NTM: variants seen among roughly 807,000 people sequenced by gnomAD.
The protein encoded by NTM is IgLON family member 2.
A neutral mutation model predicts 42.1 loss-of-function variants in NTM; 13 were observed. The observed-to-expected ratio is 0.31, with a 90% CI of 0.20 to 0.49. The LOEUF (loss-of-function observed/expected upper bound fraction) is 0.49. Ranked by LOEUF, NTM falls within the 20% of genes least tolerant of loss-of-function variation. The probability of loss-of-function intolerance (pLI) is 0.99; values close to 1 mark genes in which losing one functional copy is unlikely to be tolerated. For synonymous variants in NTM, 187 were observed against 179.2 expected (o/e 1.04, Z -0.35); for missense variants, 373 against 452.8 (o/e 0.82, Z 1.60).
chr11:131,918,597 T>G (rs1416807480), intron 2 of NTM, among the ~76,000 whole-genome samples: 1 of 152,128 alleles, frequency 6.6e-6, no homozygotes, highest in Non-Finnish European at 1.5e-5. Context: ...GGACTCAAGA[T>G]GGGTGGTGTC....
At chr11:132,326,356 G>A (rs566506752) in intron 7 of NTM, among the ~76,000 whole-genome samples, 93 of 152,184 alleles carry the variant, frequency 6.1e-4, no homozygotes, top group African/African-American at 2.1e-3. Context: ...TAACAAGAGA[G>A]TATTTAACAG....
At chr11:131,477,207 A>G (rs1953040479) in intron 1 of NTM, among the ~76,000 whole-genome samples, 1 of 152,168 alleles carries the variant, frequency 6.6e-6, no homozygotes. Context: ...ACAAGCAGCA[A>G]TTATAAGAAT....
intron 1 of NTM, among the ~76,000 whole-genome samples, chr11:131,714,451 A>C (rs959621102): frequency 1.4e-4 from 21 of 152,076 alleles, no homozygotes; most frequent in Non-Finnish European, 2.9e-4. Context: ...TTGGCCTCCC[A>C]AATTGTTGGG....
rs535636024 is a variant in NTM at position 131,551,511 on chromosome 11, C to T, written c.82+180623C>T. ...CAATTCTCAGTGTACACAGAGACTCCAGGAAGCCTTGCAGCTGAAAACCCA... is the reference window on the plus strand; with the variant it reads ...CAATTCTCAGTGTACACAGAGACTCTAGGAAGCCTTGCAGCTGAAAACCCA... On this transcript the variant is annotated intron_variant, in intron 1 of 8. Coordinates refer to ENST00000683400, the MANE Select transcript of NTM (RefSeq NM_001352005.2). 7.2e-5 allele frequency among the ~76,000 whole-genome samples: 11 copies of T among 152,056 alleles called. No homozygotes were observed. In the East Asian group the frequency reaches 1.2e-3, roughly 16 times the overall value.
chr11:131,394,271 C>T (rs776900380), intron 1 of NTM, among the ~76,000 whole-genome samples: 3 of 152,336 alleles, frequency 2.0e-5, no homozygotes, highest in East Asian at 3.9e-4. Context: ...ACTCCACTCT[C>T]GTTCTTCATC....
chr11:131,472,416 T>C (rs576819522), intron 1 of NTM, among the ~76,000 whole-genome samples: 2 of 152,302 alleles, frequency 1.3e-5, no homozygotes, highest in East Asian at 1.9e-4. Context: ...AACAGAATAG[T>C]TACCTGGTTT....
intron 3 of NTM, among the ~76,000 whole-genome samples, chr11:132,149,271 G>C (rs1425936061): frequency 6.7e-6 from 1 of 148,804 alleles, no homozygotes; most frequent in Non-Finnish European, 1.5e-5. Context: ...TTTATCTTGG[G>C]ATCGTTTATT....
rs921804682 is a variant in NTM, at chr11:131,714,726, A to G, written c.83-196838A>G. On this transcript the variant is annotated intron_variant, in intron 1 of 8. Coordinates refer to ENST00000683400, the MANE Select transcript of NTM (RefSeq NM_001352005.2). ...TAGCACAGTGTAAGTCATGTGTCCC[A>G]TCTCTTCATGTACAGTTGTCCTCTA... 5.9e-5 allele frequency among the ~76,000 whole-genome samples: 9 copies of G among 152,244 alleles called. No individual in the cohort carries two copies. The East Asian group carries it at 1.7e-3, about 29-fold the overall frequency.
At chr11:131,512,880 A>G (rs184433931) in intron 1 of NTM, among the ~76,000 whole-genome samples, 77 of 152,146 alleles carry the variant, frequency 5.1e-4, no homozygotes, top group African/African-American at 1.8e-3. Flanking sequence ...CTTGACTCAA[A>G]GTTGCTTCTG....
intron 1 of NTM, among the ~76,000 whole-genome samples, chr11:131,891,303 T>C (rs929496072): frequency 6.6e-6 from 1 of 152,096 alleles, no homozygotes; most frequent in African/African-American, 2.4e-5. Flanking sequence ...ATGGAAGGGT[T>C]GCGGGGGCAG....
chr11:131,747,318 T>C (rs775072427), intron 1 of NTM, among the ~76,000 whole-genome samples: 17 of 152,162 alleles, frequency 1.1e-4, no homozygotes, highest in Non-Finnish European at 2.1e-4. Flanking sequence ...TTCCTCACAA[T>C]CCTCCTCCTC....
intron 1 of NTM, among the ~76,000 whole-genome samples, chr11:131,635,856 A>G (rs2739300): frequency 0.75 from 114,132 of 152,022 alleles, 43,877 homozygotes; most frequent in Non-Finnish European, 0.84. Context: ...TTTTTCTTTT[A>G]TACTCTATTT....
At chr11:132,288,712 C>T (rs549549475) in intron 4 of NTM, among the ~76,000 whole-genome samples, 16 of 152,214 alleles carry the variant, frequency 1.1e-4, no homozygotes, top group African/African-American at 1.9e-4. Context: ...CTCCAGCTCC[C>T]GGGTTCAAGC....
intron 1 of NTM, among the ~76,000 whole-genome samples, chr11:131,692,459 T>C (rs2074910329): frequency 6.6e-6 from 1 of 152,272 alleles, no homozygotes; most frequent in Non-Finnish European, 1.5e-5. Context: ...TGCAGATCTC[T>C]GGGTGATGCT....
chr11:132,142,810 G>A (rs2069477229), intron 2 of NTM, among the ~76,000 whole-genome samples: 1 of 152,186 alleles, frequency 6.6e-6, no homozygotes, highest in South Asian at 2.1e-4. Flanking sequence ...GAGTGCTAGT[G>A]CATCTGCAGA....
At chr11:132,184,656 A>G (rs995177022) in intron 3 of NTM, among the ~76,000 whole-genome samples, 1 of 152,222 alleles carries the variant, frequency 6.6e-6, no homozygotes, top group Non-Finnish European at 1.5e-5. Context: ...GACCAGAGAA[A>G]GACTAGGATT....
At chr11:132,212,671 T>C (rs954221605) in intron 4 of NTM, among the ~76,000 whole-genome samples, 1 of 152,208 alleles carries the variant, frequency 6.6e-6, no homozygotes, top group African/African-American at 2.4e-5. Flanking sequence ...TGTGACTAAA[T>C]TGCAAAAATT....
intron 1 of NTM, among the ~76,000 whole-genome samples, chr11:131,482,953 C>A (rs190227009): frequency 6.6e-6 from 1 of 152,158 alleles, no homozygotes; most frequent in Non-Finnish European, 1.5e-5. Context: ...AAGAAGCACA[C>A]GCAGAGGAAA....
intron 1 of NTM, among the ~76,000 whole-genome samples, chr11:131,688,382 C>T (rs112892863): frequency 1.4e-3 from 216 of 152,362 alleles, no homozygotes; most frequent in African/African-American, 5.0e-3. Flanking sequence ...TCAGAAAAAC[C>T]TTGTTAATGG....
Sources: allele counts gnomAD v4.1 joint callset (sites outside exome capture counted in the v4.1 genomes callset), GRCh38; gene constraint gnomAD v4.1.1; transcripts MANE v1.5; gene names NCBI Gene and HGNC (gene_info 2026-07-23, HGNC 2026-07-21).